Variants in MANBAL observed in about 807,000 individuals in gnomAD.
MANBAL encodes protein MANBAL.
MANBAL carries 1 observed loss-of-function variant against 6.4 expected under a neutral mutation model. That is an observed-to-expected ratio of 0.16 (90% CI 0.06 to 0.74). The LOEUF (loss-of-function observed/expected upper bound fraction) is 0.74, where lower values mean the gene tolerates loss of function less well. Among genes scored for constraint, MANBAL ranks in the 30% least tolerant of loss-of-function variants. The pLI, the probability that MANBAL is intolerant of heterozygous loss-of-function variation, is 0.78. For synonymous variants in MANBAL, 47 were observed against 45.8 expected (o/e 1.03, Z -0.10); for missense variants, 100 against 107.8 (o/e 0.93, Z 0.32).
intron 1 of MANBAL, among the ~76,000 whole-genome samples, chr20:37,295,932 C>G (rs1346991965): frequency 6.6e-6 from 1 of 152,176 alleles, no homozygotes; most frequent in African/African-American, 2.4e-5. Context: ...CCCAGAAATA[C>G]TGGCAGGAGG....
intron 1 of MANBAL, among the ~76,000 whole-genome samples, chr20:37,293,113 C>T (rs543915652): frequency 2.0e-5 from 3 of 152,256 alleles, no homozygotes; most frequent in South Asian, 2.1e-4. Flanking sequence ...CACCAGGGAC[C>T]GGTTTCATGG....
intron 1 of MANBAL, among the ~76,000 whole-genome samples, chr20:37,295,304 T>C (rs2068968453): frequency 6.6e-6 from 1 of 152,148 alleles, no homozygotes; most frequent in Non-Finnish European, 1.5e-5. Context: ...TTACAATGGA[T>C]CAAATAGAAA....
chr20:37,298,716 A>G (rs750008561), intron 1 of MANBAL: 3 of 151,562 alleles, frequency 2.0e-5, no homozygotes, highest in Admixed American at 6.6e-5. Flanking sequence ...GAACATTAGT[A>G]TCTTGAGTCC....
Position 37,316,301 on chromosome 20 carries a change from C to T in MANBAL, c.151-7C>T, listed in dbSNP as rs962787814. On this transcript the variant is annotated splice_polypyrimidine_tract_variant and splice_region_variant and intron_variant, in intron 2 of 2. Transcript: ENST00000373606. ...TAAGCAGGACTCTCCTTTTTATCAC[C>T]TCACAGGAGGCTGAACCGTCTGAGC... The T allele has an allele frequency of 3.1e-6, 5 of 1,612,590 alleles. No individual in the cohort carries two copies. The African/African-American group carries it at 5.3e-5, about 17-fold the overall frequency.
At chr20:37,302,646 C>T (rs1182790571) in intron 2 of MANBAL, among the ~76,000 whole-genome samples, 1 of 152,070 alleles carries the variant, frequency 6.6e-6, no homozygotes, top group African/African-American at 2.4e-5. Flanking sequence ...TGGTTCTTTC[C>T]CTTTATTTAT....
chr20:37,295,379 A>G (rs1337444785), intron 1 of MANBAL, among the ~76,000 whole-genome samples: 1 of 152,234 alleles, frequency 6.6e-6, no homozygotes, highest in African/African-American at 2.4e-5. Context: ...TTGATCCAGC[A>G]CATGCATGCT....
intron 2 of MANBAL, among the ~76,000 whole-genome samples, chr20:37,311,096 A>G (rs1461227742): frequency 6.6e-6 from 1 of 152,184 alleles, no homozygotes; most frequent in Non-Finnish European, 1.5e-5. Context: ...TGGCCTTGCC[A>G]GTGGAGTGTG....
chr20:37,296,594 G>T (rs1423867199), intron 1 of MANBAL, among the ~76,000 whole-genome samples: 1 of 152,100 alleles, frequency 6.6e-6, no homozygotes, highest in Non-Finnish European at 1.5e-5. Flanking sequence ...ATTGTTGGAC[G>T]CCTGGGTTGC....
In MANBAL at chr20:37,316,346, G is replaced by A. The variant is rs775161042; in HGVS notation, c.189G>A (p.Thr63=). The A allele has an allele frequency of 1.2e-5, 20 of 1,613,744 alleles. No individual in the cohort carries two copies. Among genetic ancestry groups the A allele is most frequent in the Non-Finnish European group, 1.5e-5 (18 of 1,179,890 alleles). The change falls in exon 3 of 3, where the codon ACG becomes ACA. Residue 63 remains threonine, a synonymous_variant. Transcript: ENST00000373606. ...EPSEPRSAEV[T]RKPKAAVPSV... ...CTGAGCCCAGAAGTGCTGAGGTGAC[G>A]AGGAAGCCCAAGGCTGCTGTTCCTT... is the stretch of plus-strand genomic sequence containing the variant.
chr20:37,300,502 A>G (rs1182102162), intron 1 of MANBAL, among the ~76,000 whole-genome samples: 1 of 152,222 alleles, frequency 6.6e-6, no homozygotes, highest in East Asian at 1.9e-4. Flanking sequence ...CATCCTGAGC[A>G]TGTAGAGGCT....
chr20:37,289,973 C>A (rs747461468), intron 1 of MANBAL, among the ~76,000 whole-genome samples: 14 of 152,234 alleles, frequency 9.2e-5, no homozygotes, highest in Non-Finnish European at 1.9e-4. Context: ...CGGGCCTTTC[C>A]TCCCACGGGT....
chr20:37,295,158 ACT>A (rs1409207896), intron 1 of MANBAL, among the ~76,000 whole-genome samples: 1 of 151,870 alleles, frequency 6.6e-6, no homozygotes, highest in Non-Finnish European at 1.5e-5. Context: ...TTAAATGATG[ACT>A]CTGTTGGTTG....
chr20:37,289,794 C>T (rs971511326), intron 1 of MANBAL, 108 bp downstream of exon 1: 17 of 152,274 alleles, frequency 1.1e-4, no homozygotes, highest in African/African-American at 3.9e-4. Context: ...GCTTGGTGGG[C>T]CCGGCTGTCG....
At chr20:37,312,296 G>A (rs1023594780) in intron 2 of MANBAL, among the ~76,000 whole-genome samples, 1 of 152,164 alleles carries the variant, frequency 6.6e-6, no homozygotes, top group Non-Finnish European at 1.5e-5. Context: ...TGACAGATAG[G>A]TTCTCAGAGG....
intron 2 of MANBAL, among the ~76,000 whole-genome samples, chr20:37,315,887 G>A (rs919205548): frequency 6.6e-6 from 1 of 152,226 alleles, no homozygotes; most frequent in Admixed American, 6.5e-5. Flanking sequence ...CGAGGTGATC[G>A]GCCAGTCACT....
intron 1 of MANBAL, among the ~76,000 whole-genome samples, chr20:37,298,162 G>A (rs1266463079): frequency 6.6e-6 from 1 of 151,972 alleles, no homozygotes; most frequent in Non-Finnish European, 1.5e-5. Flanking sequence ...CTCCAGCCTG[G>A]GTGACAGAGT....
intron 2 of MANBAL, among the ~76,000 whole-genome samples, chr20:37,312,471 G>C (rs1036503766): frequency 2.6e-5 from 4 of 152,144 alleles, no homozygotes; most frequent in Admixed American, 2.6e-4. Flanking sequence ...TTCAAATCTT[G>C]GGTCTGCTAC....
At chr20:37,301,457 T>G in intron 2 of MANBAL, 44 bp downstream of exon 2, 1 of 1,603,882 alleles carries the variant, frequency 6.2e-7, no homozygotes, top group Non-Finnish European at 8.5e-7. Context: ...AGTGCCAGGC[T>G]GGGTTCTGAG....
At chr20:37,305,740 T>C (rs1306140426) in intron 2 of MANBAL, among the ~76,000 whole-genome samples, 1 of 151,408 alleles carries the variant, frequency 6.6e-6, no homozygotes, top group Non-Finnish European at 1.5e-5. Context: ...GTACTGTTGA[T>C]CTAACTTTTT....
Sources: allele counts gnomAD v4.1 joint callset (sites outside exome capture counted in the v4.1 genomes callset), GRCh38; gene constraint gnomAD v4.1.1; transcripts MANE v1.5; gene names NCBI Gene and HGNC (gene_info 2026-07-23, HGNC 2026-07-21).